CACNA1E: variants seen among roughly 807,000 people sequenced by gnomAD.
CACNA1E encodes the protein voltage-dependent R-type calcium channel subunit alpha-1E.
Under a neutral mutation model 259.2 loss-of-function variants are expected in CACNA1E, and 40 were observed. The observed-to-expected ratio is 0.15, with a 90% CI of 0.12 to 0.20. The LOEUF (loss-of-function observed/expected upper bound fraction) is 0.20. Ranked by LOEUF, CACNA1E falls within the 10% of genes least tolerant of loss-of-function variation. The probability of loss-of-function intolerance (pLI) is 1.00; values close to 1 mark genes in which losing one functional copy is unlikely to be tolerated. For synonymous variants in CACNA1E, 1,104 were observed against 1,138.5 expected (o/e 0.97, Z 0.61); for missense variants, 1,874 against 3,040.1 (o/e 0.62, Z 9.02).
chr1:181,663,996 C>T (rs1647947854), intron 7 of CACNA1E, among the ~76,000 whole-genome samples: 1 of 152,138 alleles, frequency 6.6e-6, no homozygotes, highest in South Asian at 2.1e-4. Flanking sequence ...GCAAATAAGG[C>T]TGTTGGAAGC....
intron 2 of CACNA1E, among the ~76,000 whole-genome samples, chr1:181,464,273 T>G (rs1305392656): frequency 1.3e-5 from 2 of 152,132 alleles, no homozygotes; most frequent in Non-Finnish European, 2.9e-5. Context: ...AGATTTTAAT[T>G]GAAATGGAAT....
intron 7 of CACNA1E, among the ~76,000 whole-genome samples, chr1:181,664,368 T>A (rs1647995922): frequency 6.6e-6 from 1 of 152,232 alleles, no homozygotes; most frequent in Non-Finnish European, 1.5e-5. Flanking sequence ...CAAACACTGT[T>A]CTCTAGATGC....
intron 19 of CACNA1E, among the ~76,000 whole-genome samples, chr1:181,731,608 CCACAGG>C (rs1655485268): frequency 6.6e-6 from 1 of 152,072 alleles, no homozygotes. Context: ...AGGTGTGCGC[CCACAGG>C]CACAGGCTCA....
chr1:181,446,659 G>T (rs901054645), intron 2 of CACNA1E, among the ~76,000 whole-genome samples: 1 of 152,202 alleles, frequency 6.6e-6, no homozygotes, highest in African/African-American at 2.4e-5. Context: ...TGGTTCAAAT[G>T]CTGTCTGCTC....
At chr1:181,620,879 C>T (rs949997175) in intron 6 of CACNA1E, among the ~76,000 whole-genome samples, 1 of 152,082 alleles carries the variant, frequency 6.6e-6, no homozygotes, top group Non-Finnish European at 1.5e-5. Flanking sequence ...AGGAAGAGGG[C>T]TTCCTAGTGT....
chr1:181,469,297 T>C (rs1219070533), intron 2 of CACNA1E, among the ~76,000 whole-genome samples: 2 of 151,978 alleles, frequency 1.3e-5, no homozygotes, highest in African/African-American at 2.4e-5. Flanking sequence ...GACTGTGGCA[T>C]AGAGAGAAAA....
chr1:181,606,941 T>G (rs1327126357), intron 6 of CACNA1E, among the ~76,000 whole-genome samples: 1 of 152,230 alleles, frequency 6.6e-6, no homozygotes, highest in Admixed American at 6.5e-5. Flanking sequence ...CTAAACAAAG[T>G]CAGTCCCTCT....
chr1:181,436,159 A>G (rs1660070985), intron 2 of CACNA1E, among the ~76,000 whole-genome samples: 1 of 152,268 alleles, frequency 6.6e-6, no homozygotes, highest in South Asian at 2.1e-4. Flanking sequence ...AAATTTAACC[A>G]CAGTGAGATA....
intron 1 of CACNA1E, among the ~76,000 whole-genome samples, chr1:181,376,111 T>C (rs993233493): frequency 1.3e-5 from 2 of 152,196 alleles, no homozygotes; most frequent in Non-Finnish European, 2.9e-5. Flanking sequence ...TCAATAAATA[T>C]TTTTTAAGTG....
intron 2 of CACNA1E, among the ~76,000 whole-genome samples, chr1:181,453,172 A>G (rs888286228): frequency 2.6e-5 from 4 of 152,264 alleles, no homozygotes; most frequent in Admixed American, 1.3e-4. Flanking sequence ...TAAAGGCTAC[A>G]GTTTGCCTGG....
chr1:181,803,495 G>A lies in CACNA1E; in HGVS notation c.*4661G>A, dbSNP rs1257100118. The A allele has an allele frequency of 6.6e-6, 1 of 152,098 alleles. No homozygotes were observed. The highest frequency in any genetic ancestry group is 1.5e-5 in the Non-Finnish European group (1 of 68,024). The allele number at this position is 152,098 out of a possible 1,614,324, so 9.4% of individuals were successfully genotyped here. A position where few individuals can be genotyped will look rare whatever the true frequency, so the allele number is the denominator to read the frequency against. On this transcript the variant is annotated 3_prime_UTR_variant, in exon 48 of 48. Coordinates refer to ENST00000367573, the MANE Select transcript of CACNA1E (RefSeq NM_001205293.3). ...CACCAGCTTTGTCTTTTTGTCTTTTGTTGTTTCTTTCCTGAACCACCCTGT... is the reference window on the plus strand; with the variant it reads ...CACCAGCTTTGTCTTTTTGTCTTTTATTGTTTCTTTCCTGAACCACCCTGT...
intron 7 of CACNA1E, among the ~76,000 whole-genome samples, chr1:181,670,330 G>A (rs1209040311): frequency 6.6e-6 from 1 of 152,208 alleles, no homozygotes; most frequent in Non-Finnish European, 1.5e-5. Context: ...CTGTTAAGTT[G>A]AGAAGCTGTT....
rs1238677464 is a variant in CACNA1E, at chr1:181,508,724, G to T, written c.267-1753G>T. On this transcript the variant is annotated intron_variant, in intron 1 of 47. Coordinates refer to ENST00000367573, the MANE Select transcript of CACNA1E (RefSeq NM_001205293.3). ...CTTAGAAGGTGGTCATGCTAGCTGGGTGGGCGTCTGTGGTGTGTGTCTGCT... is the reference window on the plus strand; with the variant it reads ...CTTAGAAGGTGGTCATGCTAGCTGGTTGGGCGTCTGTGGTGTGTGTCTGCT... Among the ~76,000 whole-genome samples the T allele has an allele frequency of 2.0e-5, 3 of 152,308 alleles. No homozygotes were observed. In the East Asian group the frequency reaches 5.8e-4, roughly 29 times the overall value.
intron 1 of CACNA1E, among the ~76,000 whole-genome samples, chr1:181,347,642 T>C (rs907899432): frequency 2.0e-5 from 3 of 152,224 alleles, no homozygotes; most frequent in African/African-American, 7.2e-5. Flanking sequence ...TTGTTGTGAC[T>C]CAGGCCTTTA....
At chr1:181,336,454 T>G (rs925122690) in intron 1 of CACNA1E, among the ~76,000 whole-genome samples, 2 of 152,230 alleles carry the variant, frequency 1.3e-5, no homozygotes, top group African/African-American at 4.8e-5. Context: ...GTGACATAGC[T>G]GTTAAAGGAA....
At chr1:181,424,773 G>C (rs1557993360) in intron 2 of CACNA1E, among the ~76,000 whole-genome samples, 1 of 152,148 alleles carries the variant, frequency 6.6e-6, no homozygotes, top group African/African-American at 2.4e-5. Flanking sequence ...GGCAGGCCTT[G>C]GGGGAGGACT....
chr1:181,445,775 A>G (rs1445290882), intron 2 of CACNA1E, among the ~76,000 whole-genome samples: 2 of 152,214 alleles, frequency 1.3e-5, no homozygotes. Context: ...GACTTGCTAA[A>G]TTAGTGATTC....
chr1:181,741,613 G>T lies in CACNA1E; in HGVS notation c.3719+2360G>T, dbSNP rs189141320. On this transcript the variant is annotated intron_variant, in intron 25 of 47. Transcript: ENST00000367573. The stretch of plus-strand genomic sequence containing the variant: ...TAACCAGGCTGGTGTGTTGGTGCCA[G>T]TGTGGGAGGAGGTGTGTTTTAGAGG... Among the ~76,000 whole-genome samples, 474 of 152,348 alleles carry T rather than the reference G, an allele frequency of 3.1e-3. 1 individual carries two copies. The highest frequency in any genetic ancestry group is 0.01 in the African/African-American group (434 of 41,578).
chr1:181,762,288 G>GA (rs940846693), intron 32 of CACNA1E, among the ~76,000 whole-genome samples: 1 of 151,972 alleles, frequency 6.6e-6, no homozygotes, highest in Non-Finnish European at 1.5e-5. Context: ...AATAAAAATT[G>GA]AAAAAAACTT....
Sources: gnomAD v4.1 joint callset for allele counts (sites outside exome capture counted in the v4.1 genomes callset) on GRCh38, gnomAD v4.1.1 for gene constraint, MANE v1.5 for transcripts, NCBI Gene and HGNC (gene_info 2026-07-23, HGNC 2026-07-21) for gene names.